The following KIF7 variants were observed in gnomAD, a reference collection of about 807,000 sequenced individuals.
KIF7 encodes the protein kinesin family member 7.
KIF7 carries 104 observed loss-of-function variants against 135.7 expected under a neutral mutation model. The observed-to-expected ratio is 0.77, with a 90% confidence interval of 0.65 to 0.90. The LOEUF (loss-of-function observed/expected upper bound fraction) is 0.90, where lower values mean the gene tolerates loss of function less well. Among genes scored for constraint, KIF7 ranks in the 40% least tolerant of loss-of-function variants. The pLI is 0.00. For synonymous variants in KIF7, 883 were observed against 809.4 expected (o/e 1.09, Z -1.54); for missense variants, 2,005 against 1,839.1 (o/e 1.09, Z -1.65).
Position 89,632,855 on chromosome 15 carries a change from T to C in KIF7, c.2860A>G (p.Thr954Ala). Residue 954 changes from threonine to alanine, a missense_variant, in exon 14 of 19, where the codon ACG (threonine) becomes GCG (alanine). Transcript: ENST00000394412. ...AKKEALMQEK[T>A]GLESKRLRSS... is the part of the protein sequence containing the mutation. ...CTCAGGCGCTTGCTCTCCAGCCCCG[T>C]CTTCTCCTGCATCAGGGCCTCCTTC... is the stretch of plus-strand genomic sequence containing the variant. The C allele has an allele frequency of 1.9e-6, 3 of 1,609,174 alleles. No individual in the cohort carries two copies. The highest frequency in any genetic ancestry group is 2.5e-6 in the Non-Finnish European group (3 of 1,179,782).
Position 89,648,621 on chromosome 15 carries a change from G to A in KIF7, c.1077C>T (p.Pro359=), listed in dbSNP as rs886043006. ...TCTCTTCGGGTGGCCGCTCGGCCTCGGGCCGCCAGTTGACCGTGGCGCGGT... is the reference window on the plus strand; with the variant it reads ...TCTCTTCGGGTGGCCGCTCGGCCTCAGGCCGCCAGTTGACCGTGGCGCGGT... ...IRNRATVNWR[P]EAERPPEETA... Residue 359 remains proline (P), a synonymous_variant, in exon 5 of 19, where the codon CCC becomes CCT. Transcript: ENST00000394412. 1 of 1,534,460 alleles carries A rather than the reference G, an allele frequency of 6.5e-7. No homozygotes were observed. The highest frequency in any genetic ancestry group is 8.7e-7 in the Non-Finnish European group (1 of 1,145,634).
chr15:89,624,129 AGCTGCTCGG>A, downstream of KIF7: 1 of 1,613,982 alleles, frequency 6.2e-7, no homozygotes, highest in South Asian at 1.1e-5. Context: ...ATGTCCTCAG[AGCTGCTCGG>A]GCAGAGGAAC....
chr15:89,639,899 C>G (rs1439155841), intron 11 of KIF7, among the ~76,000 whole-genome samples: 1 of 152,096 alleles, frequency 6.6e-6, no homozygotes, highest in Non-Finnish European at 1.5e-5. Context: ...ACCCAAATGT[C>G]CAACAATGAT....
intron 1 of KIF7, among the ~76,000 whole-genome samples, chr15:89,654,079 C>G (rs76694846): frequency 0.044 from 6,672 of 152,188 alleles, 177 homozygotes; most frequent in East Asian, 0.093. Flanking sequence ...GCCCGATCTC[C>G]GCTCACTGCA....
chr15:89,630,598 G>C (rs1011252791), intron 15 of KIF7, 105 bp from the exon 16 acceptor site: 1 of 942,874 alleles, frequency 1.1e-6, no homozygotes, highest in African/African-American at 1.6e-5. Context: ...GGCCTTAAGG[G>C]TCCCCTCGTC....
chr15:89,650,055 G>C (rs953104033), intron 2 of KIF7, 114 bp from the exon 3 acceptor site: 9 of 1,112,998 alleles, frequency 8.1e-6, no homozygotes, highest in Middle Eastern at 2.2e-4. Flanking sequence ...CTAGGATGGA[G>C]AAGGCAGTGG....
chr15:89,633,682 T>C lies in KIF7; in HGVS notation c.2592+4A>G, dbSNP rs1963735589. 6.2e-7 allele frequency: 1 copy of C among 1,606,364 alleles called. No individual in the cohort carries two copies. Among genetic ancestry groups the C allele is most frequent in the Middle Eastern group, 2.1e-4 (1 of 4,694 alleles). ...GAAGGTCCCCACCCTGCCGTGAGCC[T>C]GACCTTGACGCGGTGCTGCCGCTTG... On this transcript the variant is annotated splice_donor_region_variant and intron_variant, in intron 12 of 18. Transcript: ENST00000394412.
At chr15:89,618,154 C>G in exon 2 of KIF7, 1 of 1,614,110 alleles carries the variant, frequency 6.2e-7, no homozygotes. Context: ...TCCTCGAGGT[C>G]CTCTGATCCT....
chr15:89,623,820 T>A, downstream of KIF7: 1 of 1,613,592 alleles, frequency 6.2e-7, no homozygotes, highest in South Asian at 1.1e-5. Context: ...CACCATTGGA[T>A]TCAAAAATCA....
In KIF7 at chr15:89,649,013, C is replaced by T. The variant is rs1257458364; in HGVS notation, c.884G>A (p.Arg295Gln). Residue 295 changes from arginine to glutamine, a missense_variant, in exon 4 of 19, where the codon CGG (arginine) becomes CAG (glutamine). Physicochemically the swap from Arg to Gln is conservative, Grantham distance 43. Coordinates refer to ENST00000394412, the MANE Select transcript of KIF7 (RefSeq NM_198525.3). ...VISALGDPQR[R>Q]GSHIPYRDSK... ...GTCGCGGTAGGGTATGTGGCTGCCC[C>T]GGCGCTGAGGGTCCCCCAGGGCGCT... 3.9e-6 allele frequency: 6 copies of T among 1,547,460 alleles called. No individual in the cohort carries two copies. Among genetic ancestry groups the T allele is most frequent in the East Asian group, 2.4e-5 (1 of 40,872 alleles).
Position 89,646,833 on chromosome 15 carries a change from T to G in KIF7, c.1785A>C (p.Gly595=). The change falls in exon 7 of 19, where the codon GGA becomes GGC. Residue 595 remains glycine, a synonymous_variant. Transcript: ENST00000394412. ...PGDEVGSEQR[G]EQVTNGREAG... is the part of the protein sequence containing the mutation. ...CCCAGCCTCACCCTCTTCTCACCTC[T>G]CCCCTCTGCTCAGAGCCAACTTCAT... 1 of 1,613,438 alleles carries G rather than the reference T, an allele frequency of 6.2e-7. No individual in the cohort carries two copies. Among genetic ancestry groups the G allele is most frequent in the African/African-American group, 1.3e-5 (1 of 74,906 alleles).
Position 89,645,013 on chromosome 15 carries a change from C to G in KIF7, c.2191G>C (p.Gly731Arg). Residue 731 changes from glycine to arginine, a missense_variant and splice_region_variant, in exon 10 of 19, where the codon GGA (glycine) becomes CGA (arginine). By Grantham distance (125) the Gly-to-Arg change is moderately radical. Transcript: ENST00000394412. ...EELIGELVRT[G>R]KAAQALNRQH... Reference sequence around the variant, plus strand: ...GGCCCACCTGATGCCCACGCCTCACCTGTGCGGACCAGCTCGCCAATAAGC... The same window carrying G: ...GGCCCACCTGATGCCCACGCCTCACGTGTGCGGACCAGCTCGCCAATAAGC... 1 of 1,607,998 alleles carries G rather than the reference C, an allele frequency of 6.2e-7. No homozygotes were observed. Among genetic ancestry groups the G allele is most frequent in the Non-Finnish European group, 8.5e-7 (1 of 1,179,984 alleles).
Position 89,629,010 on chromosome 15 carries a change from C to A in KIF7, c.3630G>T (p.Lys1210Asn). 6.2e-7 allele frequency: 1 copy of A among 1,613,782 alleles called. No individual in the cohort carries two copies. The highest frequency in any genetic ancestry group is 8.5e-7 in the Non-Finnish European group (1 of 1,179,970). The change falls in exon 18 of 19, where the codon AAG (lysine) becomes AAT (asparagine). Residue 1210 changes from lysine to asparagine, a missense_variant. Transcript: ENST00000394412. ...GGCCTACAGCGTTCACACCGCCGAGCTTCTGTTTCAGTTCCTGGTTTATCC... is the reference window on the plus strand; with the variant it reads ...GGCCTACAGCGTTCACACCGCCGAGATTCTGTTTCAGTTCCTGGTTTATCC... ...YMWINQELKQ[K>N]LGGVNAVGHS...
At chr15:89,630,736 A>C in intron 15 of KIF7, 3 of 580,314 alleles carry the variant, frequency 5.2e-6, no homozygotes, top group Non-Finnish European at 6.2e-6. Context: ...AATGATCTAC[A>C]TTCAGGAAGT....
chr15:89,646,971 C>T lies in KIF7; in HGVS notation c.1647G>A (p.Arg549=), dbSNP rs768833486. The T allele has an allele frequency of 1.9e-6, 3 of 1,613,230 alleles. No homozygotes were observed. The highest frequency in any genetic ancestry group is 2.5e-6 in the Non-Finnish European group (3 of 1,179,734). Residue 549 remains arginine (R), a synonymous_variant, in exon 7 of 19, where the codon CGG becomes CGA. Transcript: ENST00000394412. ...ELVRPGWGGP[R]LLNGLPPGSF... is the part of the protein sequence containing the mutation. ...ACCCGGGAGGCAGGCCATTCAGGAG[C>T]CGCGGGCCCCCCCAGCCTGGCCGCA...
chr15:89,625,941 A>G (rs1235485761), downstream of KIF7: 1 of 1,572,530 alleles, frequency 6.4e-7, no homozygotes. Context: ...TTTAGGCTCC[A>G]CCCCACCTCC....
chr15:89,623,640 C>T (rs761727210), downstream of KIF7: 46 of 1,608,134 alleles, frequency 2.9e-5, no homozygotes, highest in Non-Finnish European at 3.9e-5. Context: ...AGAAGAGTCA[C>T]CAGAAATCTC....
chr15:89,623,313 T>C (rs1202516698), downstream of KIF7, among the ~76,000 whole-genome samples: 3 of 152,212 alleles, frequency 2.0e-5, no homozygotes, highest in East Asian at 3.8e-4. Flanking sequence ...AAGGAAGAGC[T>C]AGAGAGTAGC....
intron 11 of KIF7, among the ~76,000 whole-genome samples, chr15:89,634,989 C>T (rs1362105415): frequency 6.6e-6 from 1 of 152,240 alleles, no homozygotes; most frequent in Non-Finnish European, 1.5e-5. Context: ...TGAGAACAGG[C>T]AGACTGCCTC....
Sources: gnomAD v4.1 joint callset for allele counts (sites outside exome capture counted in the v4.1 genomes callset) on GRCh38, gnomAD v4.1.1 for gene constraint, MANE v1.5 for transcripts, NCBI Gene and HGNC (gene_info 2026-07-23, HGNC 2026-07-21) for gene names.